Variants in DNAJC9 observed in about 807,000 individuals in gnomAD.
The protein encoded by DNAJC9 is dnaJ homolog subfamily C member 9.
A neutral mutation model predicts 32.4 loss-of-function variants in DNAJC9; 18 were observed. The observed-to-expected ratio is 0.56, with a 90% CI of 0.38 to 0.82. DNAJC9 has a LOEUF of 0.82. Ranked by LOEUF, DNAJC9 falls within the 40% of genes least tolerant of loss-of-function variation. DNAJC9 has a pLI of 0.00. For missense variants in DNAJC9, 310 were observed against 321.8 expected, an observed-to-expected ratio of 0.96 and a Z score of 0.28; for synonymous variants, 113 against 122.1, an observed-to-expected ratio of 0.93 and a Z score of 0.49.
downstream of DNAJC9, among the ~76,000 whole-genome samples, chr10:73,237,808 C>CA (rs1481487371): frequency 1.3e-5 from 2 of 152,094 alleles, no homozygotes; most frequent in African/African-American, 4.8e-5. Flanking sequence ...ACTGCAGCCT[C>CA]AAACTCCTGG....
intron 2 of DNAJC9, chr10:73,233,097 T>G: frequency 6.4e-7 from 1 of 1,551,636 alleles, no homozygotes; most frequent in Non-Finnish European, 8.7e-7. Flanking sequence ...CTTCATCCGA[T>G]CAGCACGAGC....
downstream of DNAJC9, among the ~76,000 whole-genome samples, chr10:73,239,994 GGCTC>G (rs2043905461): frequency 3.3e-5 from 5 of 152,150 alleles, no homozygotes; most frequent in Non-Finnish European, 7.4e-5. Flanking sequence ...GCATGATCAT[GGCTC>G]ACTGTAGCCT....
chr10:73,245,847 T>A, intron 3 of DNAJC9, 75 bp downstream of exon 3: 1 of 1,552,668 alleles, frequency 6.4e-7, no homozygotes, highest in Non-Finnish European at 8.7e-7. Context: ...TTATGTTTAC[T>A]TCTACTGCTG....
chr10:73,243,525 TGA>T lies in DNAJC9; in HGVS notation c.664-8_664-7del, dbSNP rs776925725. The T allele has an allele frequency of 5.0e-6, 8 of 1,614,026 alleles. No homozygotes were observed. In the East Asian group the frequency reaches 1.8e-4, roughly 36 times the overall value. On this transcript the variant is annotated splice_region_variant and splice_polypyrimidine_tract_variant and intron_variant, in intron 4 of 4. Coordinates refer to ENST00000372950, the MANE Select transcript of DNAJC9 (RefSeq NM_015190.5). ...TGCCGATCCTTTTGTCTGCTCTGTT[TGA>T]GAAGTTAAAACACAAGCTTTCACAA...
chr10:73,239,891 C>G (rs1210033270), downstream of DNAJC9, among the ~76,000 whole-genome samples: 1 of 152,188 alleles, frequency 6.6e-6, no homozygotes, highest in Non-Finnish European at 1.5e-5. Flanking sequence ...AAATTATACT[C>G]TGTAGATGTA....
At chr10:73,235,113 G>C, downstream of DNAJC9, 3 of 1,478,956 alleles carry the variant, frequency 2.0e-6, no homozygotes, top group East Asian at 2.5e-5. Context: ...TACCATATCT[G>C]CCATGGTCGA....
At chr10:73,233,126 C>T (rs2043748745) in intron 2 of DNAJC9, 9 of 1,551,692 alleles carry the variant, frequency 5.8e-6, no homozygotes, top group Non-Finnish European at 7.8e-6. Context: ...TGCTGAAACA[C>T]CAAGATCTGT....
chr10:73,247,238 C>G lies in DNAJC9; in HGVS notation c.-49G>C. On this transcript the variant is annotated 5_prime_UTR_variant, in exon 1 of 5. Transcript: ENST00000372950. ...AGGAAGCAGCCGCTCCCAGCTGCGC[C>G]GGGTACAACCCAGGACTGCTTCTTT... The G allele has an allele frequency of 7.1e-6, 11 of 1,554,940 alleles. No individual in the cohort carries two copies. Among genetic ancestry groups the G allele is most frequent in the Non-Finnish European group, 8.7e-6 (10 of 1,149,778 alleles).
At chr10:73,235,230 T>C (rs2043795683), downstream of DNAJC9, 2 of 1,551,646 alleles carry the variant, frequency 1.3e-6, no homozygotes, top group African/African-American at 2.7e-5. Context: ...CAAAGTGCGG[T>C]GGTGGATGAA....
downstream of DNAJC9, among the ~76,000 whole-genome samples, chr10:73,233,893 A>G (rs1175558226): frequency 6.6e-6 from 1 of 152,226 alleles, no homozygotes; most frequent in African/African-American, 2.4e-5. Context: ...ATTGACAATG[A>G]AAACTTCATA....
chr10:73,243,732 A>G (rs2133425532), intron 4 of DNAJC9, 111 bp downstream of exon 4: 1 of 1,135,296 alleles, frequency 8.8e-7, no homozygotes, highest in African/African-American at 1.6e-5. Flanking sequence ...GGACAAATAG[A>G]AGGTATGCGG....
At chr10:73,245,819 G>A (rs1164419314) in intron 3 of DNAJC9, 103 bp downstream of exon 3, 1 of 1,426,968 alleles carries the variant, frequency 7.0e-7, no homozygotes, top group Admixed American at 2.2e-5. Flanking sequence ...GTTAACCCTA[G>A]TCCTTATTTC....
downstream of DNAJC9, among the ~76,000 whole-genome samples, chr10:73,236,941 G>A (rs1483331956): frequency 3.3e-5 from 5 of 150,062 alleles, no homozygotes; most frequent in Admixed American, 6.6e-5. Flanking sequence ...CTCAAACTCC[G>A]AGGTTCAAGT....
chr10:73,234,860 CT>C, downstream of DNAJC9: 1 of 1,551,474 alleles, frequency 6.4e-7, no homozygotes, highest in Non-Finnish European at 8.7e-7. Context: ...ACCGACGCCC[CT>C]GAGTCGAAAT....
chr10:73,245,832 G>C, intron 3 of DNAJC9, 90 bp downstream of exon 3: 1 of 1,499,042 alleles, frequency 6.7e-7, no homozygotes. Context: ...CTTATTTCTG[G>C]AGTTTTATGT....
chr10:73,232,965 G>T, intron 2 of DNAJC9: 1 of 1,551,226 alleles, frequency 6.4e-7, no homozygotes, highest in African/African-American at 1.4e-5. Flanking sequence ...CTACTTATGA[G>T]GCCTGGGTCC....
chr10:73,240,526 C>A (rs1371347540), downstream of DNAJC9, among the ~76,000 whole-genome samples: 1 of 152,122 alleles, frequency 6.6e-6, no homozygotes, highest in Non-Finnish European at 1.5e-5. Context: ...TCCTGGCTAA[C>A]ATGGTGAAAC....
Position 73,243,464 on chromosome 10 carries a change from G to C in DNAJC9, c.719C>G (p.Ala240Gly). 1.2e-6 allele frequency: 2 copies of C among 1,613,936 alleles called. No homozygotes were observed. Among genetic ancestry groups the C allele is most frequent in the South Asian group, 1.1e-5 (1 of 91,072 alleles). Reference protein sequence around the residue: ...EMDNFLAQMEAKYCKSSKGGG... With the variant: ...EMDNFLAQMEGKYCKSSKGGG... Reference sequence around the variant, plus strand: ...TCCTTTGGAAGATTTGCAGTACTTTGCTTCCATCTGAGCCAGAAAATTGTC... The same window carrying C: ...TCCTTTGGAAGATTTGCAGTACTTTCCTTCCATCTGAGCCAGAAAATTGTC... Residue 240 changes from alanine (A) to glycine (G), a missense_variant, in exon 5 of 5, where the codon GCA (alanine) becomes GGA (glycine). Physicochemically the swap from Ala to Gly is moderately conservative, Grantham distance 60. Coordinates refer to ENST00000372950, the MANE Select transcript of DNAJC9 (RefSeq NM_015190.5).
chr10:73,241,448 TC>T (rs1318685456), downstream of DNAJC9: 8 of 184,814 alleles, frequency 4.3e-5, no homozygotes, highest in South Asian at 8.6e-4. Context: ...AGAGTTGTAC[TC>T]AGTTTTAAGT....
Sources: gnomAD v4.1 joint callset for allele counts (sites outside exome capture counted in the v4.1 genomes callset) on GRCh38, gnomAD v4.1.1 for gene constraint, MANE v1.5 for transcripts, NCBI Gene and HGNC (gene_info 2026-07-23, HGNC 2026-07-21) for gene names.